PRELID2: variants seen among roughly 807,000 people sequenced by gnomAD.
PRELID2 encodes the protein PRELI domain-containing protein 2.
PRELID2 carries 25 observed loss-of-function variants against 28.4 expected under a neutral mutation model. That is an observed-to-expected ratio of 0.88 (90% CI 0.64 to 1.23). PRELID2 has a LOEUF of 1.23. PRELID2 is among the 50% of genes most tolerant of loss of function. PRELID2 has a pLI of 0.00. For missense variants in PRELID2, 201 were observed against 214.4 expected, an observed-to-expected ratio of 0.94 and a Z score of 0.39; for synonymous variants, 76 against 71.6, an observed-to-expected ratio of 1.06 and a Z score of -0.31.
chr5:145,600,608 A>G (rs1196586194), intron 1 of PRELID2, among the ~76,000 whole-genome samples: 2 of 152,014 alleles, frequency 1.3e-5, no homozygotes, highest in Admixed American at 1.3e-4. Context: ...GAAAATTTTC[A>G]GCAAAAATAA....
chr5:145,811,116 A>AAAAAAAAAAAACAAC (rs1561636719), intron 4 of PRELID2, among the ~76,000 whole-genome samples: 1 of 85,724 alleles, frequency 1.2e-5, no homozygotes, highest in African/African-American at 4.7e-5. Flanking sequence ...AAAAAAAAAA[A>AAAAAAAAAAAACAAC]AAATTGTGCC....
At chr5:145,609,274 T>G (rs763693476) in intron 1 of PRELID2, among the ~76,000 whole-genome samples, 18 of 152,238 alleles carry the variant, frequency 1.2e-4, no homozygotes, top group Non-Finnish European at 2.4e-4. Context: ...TTCAGCCATT[T>G]CAGACTAGTT....
At chr5:145,401,955 C>A in the PRELID2 span, among the ~76,000 whole-genome samples, 1 of 152,144 alleles carries the variant, frequency 6.6e-6, no homozygotes, top group Non-Finnish European at 1.5e-5. Context: ...TCTTTCCTAA[C>A]ATCACCCACC....
intron 1 of PRELID2, among the ~76,000 whole-genome samples, chr5:145,686,904 A>G (rs1755048616): frequency 1.3e-5 from 2 of 152,236 alleles, no homozygotes; most frequent in Admixed American, 1.3e-4. Flanking sequence ...TGAAAAATGC[A>G]TCATAATAGA....
the PRELID2 span, among the ~76,000 whole-genome samples, chr5:145,331,256 T>C: frequency 6.6e-6 from 1 of 152,148 alleles, no homozygotes; most frequent in African/African-American, 2.4e-5. Flanking sequence ...TTCTGTTGAT[T>C]TGGGGTGGAG....
At chr5:145,370,948 A>G in the PRELID2 span, among the ~76,000 whole-genome samples, 3 of 151,988 alleles carry the variant, frequency 2.0e-5, no homozygotes, top group Non-Finnish European at 4.4e-5. Context: ...AATGCTTGTG[A>G]TTTTTGCACA....
At chr5:145,619,322 G>C (rs1252979019) in intron 1 of PRELID2, among the ~76,000 whole-genome samples, 1 of 152,218 alleles carries the variant, frequency 6.6e-6, no homozygotes, top group Non-Finnish European at 1.5e-5. Flanking sequence ...AAGGACCTGT[G>C]ATGTTAGGCA....
chr5:145,358,782 G>T, the PRELID2 span, among the ~76,000 whole-genome samples: 1 of 152,194 alleles, frequency 6.6e-6, no homozygotes, highest in Non-Finnish European at 1.5e-5. Context: ...TTCCAAATGT[G>T]CATGCAAAAT....
At chr5:145,607,564 T>G (rs1753522984) in intron 1 of PRELID2, among the ~76,000 whole-genome samples, 1 of 152,110 alleles carries the variant, frequency 6.6e-6, no homozygotes. Flanking sequence ...TTGGGAATTT[T>G]TTAGTATCGA....
At chr5:145,604,969 C>G (rs888116496) in intron 1 of PRELID2, among the ~76,000 whole-genome samples, 1 of 138,480 alleles carries the variant, frequency 7.2e-6, no homozygotes, top group Non-Finnish European at 1.5e-5. Flanking sequence ...TATATATATT[C>G]TTTTGAAAAG....
At chr5:145,358,402 C>T in the PRELID2 span, among the ~76,000 whole-genome samples, 1 of 152,012 alleles carries the variant, frequency 6.6e-6, no homozygotes, top group Non-Finnish European at 1.5e-5. Flanking sequence ...TTGCTGCCAG[C>T]AGTGGGGGTG....
At chr5:145,569,280 G>T (rs1218156034) in intron 1 of PRELID2, among the ~76,000 whole-genome samples, 1 of 152,004 alleles carries the variant, frequency 6.6e-6, no homozygotes, top group Non-Finnish European at 1.5e-5. Flanking sequence ...TACTTGATTG[G>T]CAGTCAAAAG....
chr5:145,740,338 C>T (rs1756633557), intron 1 of PRELID2, among the ~76,000 whole-genome samples: 1 of 109,610 alleles, frequency 9.1e-6, no homozygotes, highest in African/African-American at 3.4e-5. Flanking sequence ...AATGTGTATG[C>T]ACCATACAAC....
intron 1 of PRELID2, among the ~76,000 whole-genome samples, chr5:145,657,519 A>T (rs1048124883): frequency 6.6e-6 from 1 of 152,122 alleles, no homozygotes; most frequent in African/African-American, 2.4e-5. Context: ...GCCTGTCTTC[A>T]CTTAAAATGC....
chr5:145,340,881 A>C, the PRELID2 span, among the ~76,000 whole-genome samples: 2 of 150,670 alleles, frequency 1.3e-5, no homozygotes. Flanking sequence ...TAACACTGCC[A>C]CCACTAGGGC....
At chr5:145,572,794 T>A (rs1753025669) in intron 1 of PRELID2, among the ~76,000 whole-genome samples, 1 of 152,164 alleles carries the variant, frequency 6.6e-6, no homozygotes, top group Non-Finnish European at 1.5e-5. Flanking sequence ...CCAGTGTAAT[T>A]GCTCTGAGTG....
At chr5:145,645,937 C>T (rs770846976) in intron 1 of PRELID2, among the ~76,000 whole-genome samples, 3 of 152,138 alleles carry the variant, frequency 2.0e-5, no homozygotes, top group Admixed American at 6.5e-5. Context: ...GTGGGTAACC[C>T]GACCTTTTTC....
At chr5:145,804,345 C>G (rs1315463389) in intron 4 of PRELID2, among the ~76,000 whole-genome samples, 5 of 151,860 alleles carry the variant, frequency 3.3e-5, no homozygotes, top group African/African-American at 9.7e-5. Context: ...CCCATGTCTA[C>G]CAAAAATATA....
chr5:145,333,508 G>A, the PRELID2 span, among the ~76,000 whole-genome samples: 921 of 152,274 alleles, frequency 6.0e-3, 11 homozygotes, highest in African/African-American at 0.021. Context: ...GGCTACAGCA[G>A]TTTTGCCAAG....
Sources: gnomAD v4.1 joint callset for allele counts (sites outside exome capture counted in the v4.1 genomes callset) on GRCh38, gnomAD v4.1.1 for gene constraint, MANE v1.5 for transcripts, NCBI Gene and HGNC (gene_info 2026-07-23, HGNC 2026-07-21) for gene names.